Variants in EFNA5 observed in about 807,000 individuals in gnomAD.
EFNA5 encodes the protein ephrin A5, also known as ephrin-A5.
A neutral mutation model predicts 22.9 loss-of-function variants in EFNA5; 5 were observed. The observed-to-expected ratio is 0.22, with a 90% confidence interval of 0.11 to 0.46. The LOEUF (loss-of-function observed/expected upper bound fraction) is 0.46. EFNA5 is among the 20% of genes least tolerant of loss of function. The pLI, the probability that EFNA5 is intolerant of heterozygous loss-of-function variation, is 0.99. For synonymous variants in EFNA5, 113 were observed against 112.2 expected (o/e 1.01, Z -0.04); for missense variants, 237 against 293.3 (o/e 0.81, Z 1.40).
At chr5:107,412,109 C>A (rs1051626924) in intron 2 of EFNA5, among the ~76,000 whole-genome samples, 2 of 152,070 alleles carry the variant, frequency 1.3e-5, no homozygotes, top group African/African-American at 4.8e-5. Context: ...AAGTCATCTA[C>A]AAATAAGGCT....
chr5:107,643,551 A>G (rs35419), intron 1 of EFNA5, among the ~76,000 whole-genome samples: 41,896 of 151,962 alleles, frequency 0.28, 6,239 homozygotes, highest in Non-Finnish European at 0.33. Flanking sequence ...CTGAAAGGTG[A>G]TTGTCTCCAG....
At chr5:107,551,333 A>G (rs1748289778) in intron 1 of EFNA5, among the ~76,000 whole-genome samples, 1 of 152,164 alleles carries the variant, frequency 6.6e-6, no homozygotes, top group Admixed American at 6.5e-5. Flanking sequence ...TGTGGGCTAC[A>G]CGATCTCTGC....
At chr5:107,450,598 A>T (rs1749533634) in intron 1 of EFNA5, among the ~76,000 whole-genome samples, 1 of 152,258 alleles carries the variant, frequency 6.6e-6, no homozygotes, top group East Asian at 1.9e-4. Flanking sequence ...TGATAAAAGC[A>T]TGAAACACTG....
intron 1 of EFNA5, among the ~76,000 whole-genome samples, chr5:107,596,463 A>G (rs1561444660): frequency 6.6e-6 from 1 of 152,136 alleles, no homozygotes; most frequent in East Asian, 1.9e-4. Flanking sequence ...AGAGTGGATA[A>G]TATTCCATGG....
chr5:107,479,363 T>C (rs1750391780), intron 1 of EFNA5, among the ~76,000 whole-genome samples: 1 of 152,020 alleles, frequency 6.6e-6, no homozygotes, highest in African/African-American at 2.4e-5. Context: ...CTGATCAGAG[T>C]AATAATTGAG....
Position 107,427,430 on chromosome 5 carries a change from C to A in EFNA5, c.205G>T (p.Val69Phe). Residue 69 changes from valine (V) to phenylalanine (F), a missense_variant, in exon 2 of 5, where the codon GTC becomes TTC. Physicochemically the swap from Val to Phe is conservative, Grantham distance 50 (BLOSUM62 -1). Around this residue, in one of 3 missense-constraint regions of EFNA5, gnomAD observed 120 missense variants for 140.5 expected, o/e 0.85. Coordinates refer to ENST00000333274, the MANE Select transcript of EFNA5 (RefSeq NM_001962.3). Reference protein sequence around the residue: ...DVFCPHYEDSVPEDKTERYVL... With the variant: ...DVFCPHYEDSFPEDKTERYVL... ...TAGCGCTCAGTCTTATCTTCTGGGA[C>A]GGAGTCCTCATAGTGAGGGCAGAAA... 1 of 1,613,794 alleles carries A rather than the reference C, an allele frequency of 6.2e-7. No individual in the cohort carries two copies. The highest frequency in any genetic ancestry group is 1.1e-5 in the South Asian group (1 of 91,072).
intron 2 of EFNA5, among the ~76,000 whole-genome samples, chr5:107,420,603 G>T (rs1176002855): frequency 6.7e-6 from 1 of 149,482 alleles, no homozygotes; most frequent in African/African-American, 2.5e-5. Flanking sequence ...TCTCTGCTTT[G>T]ATGTTATGTA....
At chr5:107,432,920 C>T (rs1015812653) in intron 1 of EFNA5, among the ~76,000 whole-genome samples, 1 of 152,094 alleles carries the variant, frequency 6.6e-6, no homozygotes, top group Non-Finnish European at 1.5e-5. Flanking sequence ...GGATGAAGAC[C>T]TTTAGGATTA....
At chr5:107,473,041 C>A (rs1580475340) in intron 1 of EFNA5, among the ~76,000 whole-genome samples, 1 of 152,270 alleles carries the variant, frequency 6.6e-6, no homozygotes, top group African/African-American at 2.4e-5. Context: ...TACCTTACCT[C>A]CTGGGGTTGC....
chr5:107,588,534 T>A (rs894256064), intron 1 of EFNA5, among the ~76,000 whole-genome samples: 3 of 152,166 alleles, frequency 2.0e-5, no homozygotes, highest in African/African-American at 7.2e-5. Flanking sequence ...AGCAGAGAGA[T>A]TATTAAAAAC....
intron 1 of EFNA5, among the ~76,000 whole-genome samples, chr5:107,623,027 C>CAAAAAAAAAAAA (rs61689503): frequency 6.7e-5 from 2 of 29,902 alleles, no homozygotes; most frequent in African/African-American, 1.4e-4. Context: ...GACTCCGTCT[C>CAAAAAAAAAAAA]AAAAAAAAAA....
intron 1 of EFNA5, among the ~76,000 whole-genome samples, chr5:107,435,112 C>T (rs986570235): frequency 1.3e-5 from 2 of 152,174 alleles, no homozygotes; most frequent in African/African-American, 4.8e-5. Context: ...CTGTTTTTAA[C>T]TAGTATAATT....
At chr5:107,446,010 A>C (rs959708145) in intron 1 of EFNA5, among the ~76,000 whole-genome samples, 10 of 152,338 alleles carry the variant, frequency 6.6e-5, no homozygotes, top group South Asian at 2.1e-4. Context: ...AGAGAAAGGA[A>C]TACACAGTTG....
At chr5:107,605,633 G>A (rs1215647065) in intron 1 of EFNA5, among the ~76,000 whole-genome samples, 4 of 149,152 alleles carry the variant, frequency 2.7e-5, no homozygotes, top group Non-Finnish European at 4.4e-5. Flanking sequence ...TTCATTGCCA[G>A]CACCTTTCTC....
In EFNA5 at chr5:107,512,317, G is replaced by T. The variant is rs531999668; in HGVS notation, c.126-84808C>A. Among the ~76,000 whole-genome samples, 7 of 151,772 alleles carry T rather than the reference G, an allele frequency of 4.6e-5. No individual in the cohort carries two copies. The East Asian group carries it at 1.4e-3, about 29-fold the overall frequency. On this transcript the variant is annotated intron_variant, in intron 1 of 4. Coordinates refer to ENST00000333274, the MANE Select transcript of EFNA5 (RefSeq NM_001962.3). The stretch of plus-strand genomic sequence containing the variant: ...GGGTGTAAATGGCTGCAATCGCCTG[G>T]GTATAAGCAACTGATTTGCAAGCTG...
intron 1 of EFNA5, among the ~76,000 whole-genome samples, chr5:107,491,817 T>C (rs1746813680): frequency 6.6e-6 from 1 of 152,202 alleles, no homozygotes; most frequent in Non-Finnish European, 1.5e-5. Context: ...GTATTATACA[T>C]TCAAATACTA....
intron 1 of EFNA5, among the ~76,000 whole-genome samples, chr5:107,643,969 AAAC>A (rs1437463406): frequency 6.6e-6 from 1 of 152,146 alleles, no homozygotes; most frequent in African/African-American, 2.4e-5. Flanking sequence ...AATTACCTGG[AAAC>A]AACTGAACAT....
At chr5:107,469,776 C>T (rs943610375) in intron 1 of EFNA5, among the ~76,000 whole-genome samples, 7 of 152,048 alleles carry the variant, frequency 4.6e-5, no homozygotes, top group African/African-American at 1.7e-4. Context: ...ACGTATAATA[C>T]CTTAAAAGAA....
intron 1 of EFNA5, among the ~76,000 whole-genome samples, chr5:107,580,218 G>T (rs1019201099): frequency 1.1e-4 from 16 of 152,256 alleles, no homozygotes; most frequent in African/African-American, 3.8e-4. Flanking sequence ...AAGACCTTAT[G>T]AACACTGAAG....
Sources: allele counts gnomAD v4.1 joint callset (sites outside exome capture counted in the v4.1 genomes callset), GRCh38; gene constraint gnomAD v4.1.1; regional missense constraint gnomAD v4.1.1; transcripts MANE v1.5; gene names NCBI Gene and HGNC (gene_info 2026-07-23, HGNC 2026-07-21).